The following SCFD2 variants were observed in gnomAD, a reference collection of about 807,000 sequenced individuals.
The protein encoded by SCFD2 is sec1 family domain containing 2.
Under a neutral mutation model 58.9 loss-of-function variants are expected in SCFD2, and 54 were observed. That is an observed-to-expected ratio of 0.92 (90% CI 0.74 to 1.15). The LOEUF (loss-of-function observed/expected upper bound fraction) is 1.15. Ranked by LOEUF, SCFD2 falls within the 50% of genes most tolerant of loss-of-function variation. SCFD2 has a pLI of 0.00. For missense variants in SCFD2, 805 were observed against 836.6 expected (o/e 0.96, Z 0.47); for synonymous variants, 321 against 335.9 (o/e 0.96, Z 0.49).
At chr4:53,098,263 A>G (rs1226624310) in intron 5 of SCFD2, among the ~76,000 whole-genome samples, 1 of 152,012 alleles carries the variant, frequency 6.6e-6, no homozygotes, top group South Asian at 2.1e-4. Flanking sequence ...CTCTTTTTCT[A>G]TTGATTGGAA....
chr4:52,890,012 A>G (rs900993529), intron 7 of SCFD2, among the ~76,000 whole-genome samples: 9 of 152,236 alleles, frequency 5.9e-5, no homozygotes, highest in Non-Finnish European at 1.0e-4. Context: ...GAAGGAATGA[A>G]TCATATCCAC....
At chr4:53,112,504 T>C (rs754676425) in intron 5 of SCFD2, among the ~76,000 whole-genome samples, 1 of 152,086 alleles carries the variant, frequency 6.6e-6, no homozygotes, top group Admixed American at 6.6e-5. Context: ...ATCTGCCAGA[T>C]GCATTCGCAC....
chr4:53,016,835 G>A (rs566917277), intron 5 of SCFD2, among the ~76,000 whole-genome samples: 80 of 152,306 alleles, frequency 5.3e-4, no homozygotes, highest in African/African-American at 1.9e-3. Flanking sequence ...CTGGCCAGGT[G>A]CGGTGGCTTA....
chr4:52,960,969 C>A (rs1003558623), intron 5 of SCFD2, among the ~76,000 whole-genome samples: 1 of 152,170 alleles, frequency 6.6e-6, no homozygotes, highest in Non-Finnish European at 1.5e-5. Flanking sequence ...AGTCTGGCTA[C>A]AAAATGGCCT....
At chr4:52,883,004 T>G (rs983892827) in intron 8 of SCFD2, among the ~76,000 whole-genome samples, 1 of 152,122 alleles carries the variant, frequency 6.6e-6, no homozygotes, top group African/African-American at 2.4e-5. Context: ...CAAGTGAGGG[T>G]TACTCCCTTG....
intron 7 of SCFD2, among the ~76,000 whole-genome samples, chr4:52,906,177 A>AC (rs1196854952): frequency 6.6e-6 from 1 of 151,720 alleles, no homozygotes; most frequent in African/African-American, 2.4e-5. Context: ...CCTTGGCCAG[A>AC]CCCCCCTGTA....
intron 5 of SCFD2, among the ~76,000 whole-genome samples, chr4:53,142,882 T>G (rs1328333058): frequency 6.6e-6 from 1 of 152,250 alleles, no homozygotes; most frequent in Non-Finnish European, 1.5e-5. Flanking sequence ...AGTTTGAATA[T>G]GTCAAATTTA....
chr4:53,019,749 C>T (rs1451126339), intron 5 of SCFD2, among the ~76,000 whole-genome samples: 1 of 152,090 alleles, frequency 6.6e-6, no homozygotes, highest in African/African-American at 2.4e-5. Flanking sequence ...TCTCAGCTTC[C>T]CACCTTCATT....
intron 2 of SCFD2, among the ~76,000 whole-genome samples, chr4:53,332,151 C>A (rs1040568284): frequency 6.6e-6 from 1 of 150,800 alleles, no homozygotes; most frequent in Non-Finnish European, 1.5e-5. Flanking sequence ...GATTCACAGC[C>A]GAATTCTATC....
At chr4:53,288,204 A>G (rs560097143) in intron 3 of SCFD2, among the ~76,000 whole-genome samples, 98 of 152,262 alleles carry the variant, frequency 6.4e-4, no homozygotes, top group African/African-American at 2.2e-3. Context: ...CATCAGAGGA[A>G]ACAAAAGAAA....
intron 3 of SCFD2, among the ~76,000 whole-genome samples, chr4:53,285,497 T>C (rs1731637008): frequency 1.3e-5 from 2 of 152,000 alleles, no homozygotes; most frequent in South Asian, 2.1e-4. Flanking sequence ...ATCCCTTATA[T>C]TGAGAAAATT....
chr4:52,966,384 A>T (rs1321690339), intron 5 of SCFD2, among the ~76,000 whole-genome samples: 1 of 152,212 alleles, frequency 6.6e-6, no homozygotes. Flanking sequence ...GCCCACGGTC[A>T]TCTGCTCATC....
At chr4:53,268,900 A>T (rs531688627) in intron 4 of SCFD2, among the ~76,000 whole-genome samples, 1 of 152,318 alleles carries the variant, frequency 6.6e-6, no homozygotes, top group Admixed American at 6.5e-5. Context: ...AGTTACACAC[A>T]GTGGGGATGA....
chr4:53,116,377 G>C (rs562541328), intron 5 of SCFD2, among the ~76,000 whole-genome samples: 1 of 152,260 alleles, frequency 6.6e-6, no homozygotes, highest in South Asian at 2.1e-4. Context: ...GTTTGCCATG[G>C]TAGGAAGAGG....
chr4:52,994,447 G>A (rs1187296676), intron 5 of SCFD2, among the ~76,000 whole-genome samples: 1 of 152,130 alleles, frequency 6.6e-6, no homozygotes, highest in South Asian at 2.1e-4. Flanking sequence ...CAGTGCCATC[G>A]GTGCCCTCAC....
chr4:52,978,046 G>C (rs1327570808), intron 5 of SCFD2, among the ~76,000 whole-genome samples: 1 of 152,198 alleles, frequency 6.6e-6, no homozygotes, highest in Non-Finnish European at 1.5e-5. Flanking sequence ...AGACTGTTTT[G>C]TTCACTGCTG....
At chr4:53,332,245 T>C (rs1391076715) in intron 2 of SCFD2, among the ~76,000 whole-genome samples, 2 of 151,430 alleles carry the variant, frequency 1.3e-5, no homozygotes, top group Non-Finnish European at 1.5e-5. Context: ...TAACTCATTT[T>C]ATGAGGCCAG....
intron 5 of SCFD2, among the ~76,000 whole-genome samples, chr4:52,982,048 T>A (rs1721388482): frequency 2.0e-5 from 3 of 152,202 alleles, no homozygotes; most frequent in African/African-American, 7.2e-5. Flanking sequence ...GGATCAAGGA[T>A]GACTCTTATG....
At chr4:53,217,349 G>A (rs534358221) in intron 4 of SCFD2, among the ~76,000 whole-genome samples, 2 of 152,306 alleles carry the variant, frequency 1.3e-5, no homozygotes, top group East Asian at 3.9e-4. Flanking sequence ...GTGCACATAT[G>A]TTTAGGATAG....
Sources: allele counts gnomAD v4.1 joint callset (sites outside exome capture counted in the v4.1 genomes callset), GRCh38; gene constraint gnomAD v4.1.1; transcripts MANE v1.5; gene names NCBI Gene and HGNC (gene_info 2026-07-23, HGNC 2026-07-21).